Variants in PRR16 observed in about 807,000 individuals in gnomAD.
PRR16 encodes the protein proline rich 16.
In PRR16, 6 loss-of-function variants were observed where a neutral mutation model predicts 18.2. The observed-to-expected ratio is 0.33, with a 90% CI of 0.18 to 0.65. The LOEUF (loss-of-function observed/expected upper bound fraction) is 0.65, where lower values mean the gene tolerates loss of function less well. Ranked by LOEUF, PRR16 falls within the 30% of genes least tolerant of loss-of-function variation. PRR16 has a pLI of 0.74. For missense variants in PRR16, 412 were observed against 376.6 expected (o/e 1.09, Z -0.78); for synonymous variants, 151 against 147.8 (o/e 1.02, Z -0.16).
At chr5:120,515,840 A>T (rs1750971522) in intron 1 of PRR16, among the ~76,000 whole-genome samples, 1 of 152,210 alleles carries the variant, frequency 6.6e-6, no homozygotes, top group Non-Finnish European at 1.5e-5. Context: ...GCATTTATGT[A>T]TTATGAGAAT....
At chr5:120,782,443 C>CTGA in the PRR16 span, among the ~76,000 whole-genome samples, 1 of 152,128 alleles carries the variant, frequency 6.6e-6, no homozygotes, top group African/African-American at 2.4e-5. Context: ...AAAGTGAAGC[C>CTGA]TGATGGGACA....
At chr5:120,611,333 G>A (rs555927785) in intron 1 of PRR16, among the ~76,000 whole-genome samples, 57 of 152,262 alleles carry the variant, frequency 3.7e-4, no homozygotes, top group South Asian at 2.1e-3. Flanking sequence ...ATCTGCATAC[G>A]TAACAAGGAG....
chr5:120,536,948 A>C (rs1364336291), intron 1 of PRR16, among the ~76,000 whole-genome samples: 1 of 152,232 alleles, frequency 6.6e-6, no homozygotes, highest in African/African-American at 2.4e-5. Flanking sequence ...AGGAACAGAA[A>C]ACCAAATACT....
At chr5:120,610,891 G>A (rs577892834) in intron 1 of PRR16, among the ~76,000 whole-genome samples, 1 of 152,316 alleles carries the variant, frequency 6.6e-6, no homozygotes, top group East Asian at 1.9e-4. Context: ...GAACAGTTTG[G>A]AGGACTCAGA....
chr5:120,465,946 C>T (rs954606998), intron 1 of PRR16, among the ~76,000 whole-genome samples: 1 of 152,160 alleles, frequency 6.6e-6, no homozygotes, highest in Non-Finnish European at 1.5e-5. Flanking sequence ...CTCCCCTTCC[C>T]CCGTTACCTC....
In PRR16 at chr5:120,499,545, A is replaced by G. The variant is rs149808816; in HGVS notation, c.159+34900A>G. Among the ~76,000 whole-genome samples, 260 of 152,140 alleles carry G rather than the reference A, an allele frequency of 1.7e-3. 1 individual carries two copies. Among genetic ancestry groups the G allele is most frequent in the Non-Finnish European group, 3.2e-3 (219 of 67,986 alleles). On this transcript the variant is annotated intron_variant, in intron 1 of 1. Coordinates refer to ENST00000407149, the MANE Select transcript of PRR16 (RefSeq NM_001300783.2). ...TTTCTTCTGTTCTGCTATTGATTCT[A>G]TTCCCTGGGGTTTTAATTTTGATTT...
intron 1 of PRR16, among the ~76,000 whole-genome samples, chr5:120,656,453 G>C (rs1379415340): frequency 8.1e-6 from 1 of 123,570 alleles, no homozygotes; most frequent in Non-Finnish European, 1.6e-5. Flanking sequence ...CATTCTAACA[G>C]TAGTAATCAC....
At chr5:120,536,831 A>G (rs933108274) in intron 1 of PRR16, among the ~76,000 whole-genome samples, 1 of 152,254 alleles carries the variant, frequency 6.6e-6, no homozygotes, top group Non-Finnish European at 1.5e-5. Flanking sequence ...ATATAATTTT[A>G]AAAATACACA....
intron 1 of PRR16, among the ~76,000 whole-genome samples, chr5:120,581,615 T>C (rs1318020326): frequency 6.6e-6 from 1 of 152,202 alleles, no homozygotes; most frequent in East Asian, 1.9e-4. Context: ...GATGCTAGTA[T>C]GTCGATTTGA....
intron 1 of PRR16, among the ~76,000 whole-genome samples, chr5:120,599,856 C>T (rs1753927291): frequency 6.6e-6 from 1 of 151,706 alleles, no homozygotes; most frequent in African/African-American, 2.4e-5. Flanking sequence ...GGGTCAATTT[C>T]CTCTTTCTGG....
intron 1 of PRR16, among the ~76,000 whole-genome samples, chr5:120,487,761 T>A (rs1749863707): frequency 6.6e-6 from 1 of 152,204 alleles, no homozygotes; most frequent in South Asian, 2.1e-4. Context: ...TTTTGCCCAT[T>A]TAGTATGATA....
intron 1 of PRR16, among the ~76,000 whole-genome samples, chr5:120,629,546 T>C (rs571542909): frequency 6.6e-6 from 1 of 152,294 alleles, no homozygotes; most frequent in African/African-American, 2.4e-5. Context: ...TCTAATATTT[T>C]AGAATCATTT....
At chr5:120,501,968 A>AG (rs1750472721) in intron 1 of PRR16, among the ~76,000 whole-genome samples, 1 of 150,082 alleles carries the variant, frequency 6.7e-6, no homozygotes, top group African/African-American at 2.4e-5. Context: ...AAAAAAAAAA[A>AG]AAAAAAAAAA....
chr5:120,567,884 A>T (rs1315931368), intron 1 of PRR16, among the ~76,000 whole-genome samples: 1 of 152,130 alleles, frequency 6.6e-6, no homozygotes, highest in Non-Finnish European at 1.5e-5. Flanking sequence ...GTGAGAACAG[A>T]CTAATACATA....
At position 120,564,431 on chromosome 5, in the gene PRR16, G is replaced by A. The variant is rs140474166; in HGVS notation, c.159+99786G>A. 2.0e-4 allele frequency among the ~76,000 whole-genome samples: 31 copies of A among 152,210 alleles called. No individual in the cohort carries two copies. In the East Asian group the frequency reaches 6.0e-3, roughly 29 times the overall value. ...GCTTCCCGTGAAACTCCGACCTTCC[G>A]ACCTCTGGGATGAGCATGTCCCCTC... is the stretch of plus-strand genomic sequence containing the variant. On this transcript the variant is annotated intron_variant, in intron 1 of 1. Transcript: ENST00000407149.
intron 1 of PRR16, among the ~76,000 whole-genome samples, chr5:120,530,285 T>G (rs6895315): frequency 1.2e-5 from 1 of 84,450 alleles, no homozygotes; most frequent in African/African-American, 5.2e-5. Flanking sequence ...ATATATATAT[T>G]TATTTATTTA....
At chr5:120,526,666 G>T (rs1415073946) in intron 1 of PRR16, among the ~76,000 whole-genome samples, 1 of 152,082 alleles carries the variant, frequency 6.6e-6, no homozygotes, top group Non-Finnish European at 1.5e-5. Context: ...TGCAATAGTT[G>T]GTTAAATCAC....
rs531417326 is a variant in PRR16, at chr5:120,493,087, C to G, written c.159+28442C>G. Among the ~76,000 whole-genome samples the G allele has an allele frequency of 2.6e-5, 4 of 152,256 alleles. No individual in the cohort carries two copies. In the South Asian group the frequency reaches 8.3e-4, roughly 31 times the overall value. Reference sequence around the variant, plus strand: ...GGATAGATACAGAGCAGCAGAGTTGCTGGGTTGAATGGTAGATCTACTTTC... The same window carrying G: ...GGATAGATACAGAGCAGCAGAGTTGGTGGGTTGAATGGTAGATCTACTTTC... On this transcript the variant is annotated intron_variant, in intron 1 of 1. Coordinates refer to ENST00000407149, the MANE Select transcript of PRR16 (RefSeq NM_001300783.2).
chr5:120,682,516 G>C (rs1452328199), intron 1 of PRR16, among the ~76,000 whole-genome samples: 1 of 152,100 alleles, frequency 6.6e-6, no homozygotes, highest in Non-Finnish European at 1.5e-5. Flanking sequence ...CAGGAACTGA[G>C]GTGGCATTTA....
Sources: gnomAD v4.1 joint callset for allele counts (sites outside exome capture counted in the v4.1 genomes callset) on GRCh38, gnomAD v4.1.1 for gene constraint, MANE v1.5 for transcripts, NCBI Gene and HGNC (gene_info 2026-07-23, HGNC 2026-07-21) for gene names.